The following PSPC1 variants were observed in gnomAD, a reference collection of about 807,000 sequenced individuals.
PSPC1 encodes paraspeckle protein 1.
In PSPC1, 14 loss-of-function variants were observed where a neutral mutation model predicts 51.6. That is an observed-to-expected ratio of 0.27 (90% CI 0.18 to 0.42). The LOEUF (loss-of-function observed/expected upper bound fraction) is 0.42. Among genes scored for constraint, PSPC1 ranks in the 10% least tolerant of loss-of-function variants. The pLI, the probability that PSPC1 is intolerant of heterozygous loss-of-function variation, is 1.00. For synonymous variants in PSPC1, 193 were observed against 231.9 expected, an observed-to-expected ratio of 0.83 and a Z score of 1.53; for missense variants, 406 against 701.1, an observed-to-expected ratio of 0.58 and a Z score of 4.75.
intron 2 of PSPC1, among the ~76,000 whole-genome samples, chr13:19,761,032 C>G (rs998810447): frequency 6.6e-6 from 1 of 151,814 alleles, no homozygotes; most frequent in South Asian, 2.1e-4. Flanking sequence ...GTAGCATACA[C>G]TACTCAGGAG....
At chr13:19,690,468 G>T (rs938096398) in intron 6 of PSPC1, among the ~76,000 whole-genome samples, 1 of 152,170 alleles carries the variant, frequency 6.6e-6, no homozygotes, top group Non-Finnish European at 1.5e-5. Context: ...GGAAGAAAAG[G>T]TGTGAGAGAA....
chr13:19,736,855 A>G (rs2137995690), intron 5 of PSPC1: 1 of 152,308 alleles, frequency 6.6e-6, no homozygotes, highest in East Asian at 1.9e-4. Context: ...ATACTGGCAC[A>G]ATATTATAAT....
chr13:19,775,820 GCAGGAGAATCACGAGGT>G (rs1889058348), intron 1 of PSPC1, among the ~76,000 whole-genome samples: 1 of 152,170 alleles, frequency 6.6e-6, no homozygotes. Context: ...GGAGGCCGAG[GCAGGAGAATCACGAGGT>G]CAGGAGATTG....
intron 6 of PSPC1, among the ~76,000 whole-genome samples, chr13:19,725,693 C>A (rs965770134): frequency 1.3e-5 from 2 of 152,276 alleles, no homozygotes; most frequent in Non-Finnish European, 2.9e-5. Context: ...TCTGTCAACC[C>A]CTCGACTGGA....
chr13:19,685,377 T>C (rs558426030), intron 6 of PSPC1, among the ~76,000 whole-genome samples: 1 of 152,344 alleles, frequency 6.6e-6, no homozygotes, highest in African/African-American at 2.4e-5. Flanking sequence ...TTGCAGTGAT[T>C]ATTTCAGGAA....
chr13:19,686,780 G>C (rs1255100068), intron 6 of PSPC1, among the ~76,000 whole-genome samples: 2 of 152,316 alleles, frequency 1.3e-5, no homozygotes, highest in Admixed American at 6.5e-5. Context: ...AGGAGGATCT[G>C]AATGATGGCT....
downstream of PSPC1, chr13:19,672,946 C>G (rs1876218767): frequency 5.2e-6 from 2 of 382,960 alleles, no homozygotes; most frequent in Non-Finnish European, 5.0e-6. Context: ...GTCCCAGATA[C>G]TCAGGAGGCT....
intron 6 of PSPC1, among the ~76,000 whole-genome samples, chr13:19,722,460 A>T (rs115695685): frequency 0.011 from 1,643 of 151,644 alleles, 28 homozygotes; most frequent in African/African-American, 0.038. Flanking sequence ...TGATCGTGCC[A>T]CTGAACTCCA....
rs1381383239 is a variant in PSPC1 at position 19,741,706 on chromosome 13, C to T, written c.968-57G>A. 4.3e-6 allele frequency: 5 copies of T among 1,158,444 alleles called. No individual in the cohort carries two copies. In the East Asian group the frequency reaches 7.2e-5, roughly 17 times the overall value. The allele number at this position is 1,158,444 out of a possible 1,614,324, so 71.8% of individuals were successfully genotyped here. A position where few individuals can be genotyped will look rare whatever the true frequency, so the allele number is the denominator to read the frequency against. On this transcript the variant is annotated intron_variant, in intron 4 of 8. Coordinates refer to ENST00000338910, the MANE Select transcript of PSPC1 (RefSeq NM_001354909.2). ...TAGTTTCCCTTTCCATATTTTTATACCAATAAGCATAGAAGTTCTCTATCA... is the reference window on the plus strand; with the variant it reads ...TAGTTTCCCTTTCCATATTTTTATATCAATAAGCATAGAAGTTCTCTATCA...
chr13:19,690,158 G>A (rs918411251), intron 6 of PSPC1, among the ~76,000 whole-genome samples: 1 of 152,152 alleles, frequency 6.6e-6, no homozygotes, highest in Non-Finnish European at 1.5e-5. Context: ...CAAAACCTGA[G>A]AGGATTAGGT....
intron 2 of PSPC1, among the ~76,000 whole-genome samples, chr13:19,765,688 A>G (rs1346617161): frequency 6.7e-6 from 1 of 149,392 alleles, no homozygotes; most frequent in African/African-American, 2.5e-5. Context: ...ATAAGGAAGT[A>G]TCAGTCTTTA....
intron 2 of PSPC1, among the ~76,000 whole-genome samples, chr13:19,769,567 T>G (rs1374939760): frequency 1.4e-5 from 2 of 147,804 alleles, no homozygotes; most frequent in East Asian, 4.0e-4. Flanking sequence ...AAAAACCCCG[T>G]CTTACTAAAA....
At chr13:19,781,454 G>C (rs1323168103) in intron 1 of PSPC1, among the ~76,000 whole-genome samples, 1 of 152,082 alleles carries the variant, frequency 6.6e-6, no homozygotes, top group Non-Finnish European at 1.5e-5. Flanking sequence ...AAGAGAGTAA[G>C]CTATATTACT....
chr13:19,768,681 G>A (rs1888311735), intron 2 of PSPC1, among the ~76,000 whole-genome samples: 1 of 149,732 alleles, frequency 6.7e-6, no homozygotes, highest in African/African-American at 2.5e-5. Context: ...TGAATAAGGG[G>A]GACATCTAAA....
At chr13:19,740,413 T>C (rs1379564702) in intron 5 of PSPC1, among the ~76,000 whole-genome samples, 3 of 151,976 alleles carry the variant, frequency 2.0e-5, no homozygotes, top group Non-Finnish European at 4.4e-5. Context: ...TAAACTCAGG[T>C]ACAAAGTTTG....
rs117141364 is a variant in PSPC1 at position 19,683,019 on chromosome 13, G to T, written c.1159-5196C>A. Among the ~76,000 whole-genome samples, 104 of 152,204 alleles carry T rather than the reference G, an allele frequency of 6.8e-4. 1 individual carries two copies. The East Asian group carries it at 0.018, about 27-fold the overall frequency. ...GAAGCTCAAGGCTGCAGTGAGCTAT[G>T]ATCGCACTACTATACTCCAGCCTGG... On this transcript the variant is annotated intron_variant and NMD_transcript_variant, in intron 6 of 7. Transcript: ENST00000471658.
At chr13:19,701,056 G>C (rs1879846800), downstream of PSPC1, among the ~76,000 whole-genome samples, 1 of 152,388 alleles carries the variant, frequency 6.6e-6, no homozygotes, top group South Asian at 2.1e-4. Flanking sequence ...CCGGAACAAG[G>C]ATTTTCTTGA....
At chr13:19,738,476 T>C (rs142498357) in intron 5 of PSPC1, among the ~76,000 whole-genome samples, 1 of 152,282 alleles carries the variant, frequency 6.6e-6, no homozygotes, top group African/African-American at 2.4e-5. Context: ...ATGTAAAGAC[T>C]ATGTAAACAG....
chr13:19,745,854 CAT>C (rs1885919600), intron 4 of PSPC1, among the ~76,000 whole-genome samples: 1 of 152,240 alleles, frequency 6.6e-6, no homozygotes, highest in East Asian at 1.9e-4. Context: ...CTCCTGTCGG[CAT>C]TAATGTTCTT....
Sources: allele counts gnomAD v4.1 joint callset (sites outside exome capture counted in the v4.1 genomes callset), GRCh38; gene constraint gnomAD v4.1.1; transcripts MANE v1.5; gene names NCBI Gene and HGNC (gene_info 2026-07-23, HGNC 2026-07-21).